Variants in ROBO1 observed in about 807,000 individuals in gnomAD.
ROBO1 encodes the protein roundabout homolog 1.
A neutral mutation model predicts 195.9 loss-of-function variants in ROBO1; 149 were observed. The ratio of observed to expected loss-of-function variants is 0.76; its 90% CI spans 0.67 to 0.87. The LOEUF is 0.87. Ranked by LOEUF, ROBO1 falls within the 40% of genes least tolerant of loss-of-function variation. The probability of loss-of-function intolerance (pLI) is 0.00; values close to 1 mark genes in which losing one functional copy is unlikely to be tolerated. For synonymous variants in ROBO1, 816 were observed against 733.2 expected, an observed-to-expected ratio of 1.11 and a Z score of -1.82; for missense variants, 1,933 against 2,068.3, an observed-to-expected ratio of 0.93 and a Z score of 1.27.
intron 1 of ROBO1, among the ~76,000 whole-genome samples, chr3:79,599,819 A>G (rs1944286662): frequency 6.6e-6 from 1 of 152,042 alleles, no homozygotes; most frequent in South Asian, 2.1e-4. Context: ...TTCCTATATT[A>G]GTAGAATTAT....
chr3:79,042,535 A>C (rs2078508100), intron 3 of ROBO1, among the ~76,000 whole-genome samples: 1 of 149,448 alleles, frequency 6.7e-6, no homozygotes, highest in Non-Finnish European at 1.5e-5. Flanking sequence ...GTAATTTCCA[A>C]AAAAAAGTTA....
At chr3:79,045,284 C>T (rs139038535) in intron 3 of ROBO1, among the ~76,000 whole-genome samples, 106 of 151,848 alleles carry the variant, frequency 7.0e-4, no homozygotes, top group African/African-American at 2.3e-3. Flanking sequence ...GATAAAAATG[C>T]GAATGTATTT....
chr3:79,662,250 C>G (rs751902485), intron 1 of ROBO1, among the ~76,000 whole-genome samples: 3 of 151,992 alleles, frequency 2.0e-5, no homozygotes, highest in Non-Finnish European at 4.4e-5. Flanking sequence ...AATGAACTGG[C>G]GATCTTTCTT....
chr3:79,234,947 T>C (rs879632361), intron 2 of ROBO1, among the ~76,000 whole-genome samples: 7 of 151,988 alleles, frequency 4.6e-5, no homozygotes, highest in Non-Finnish European at 8.8e-5. Flanking sequence ...CGTAGCAAAC[T>C]TGCACACGTA....
At chr3:79,314,329 G>A (rs1337957312) in intron 2 of ROBO1, among the ~76,000 whole-genome samples, 1 of 152,158 alleles carries the variant, frequency 6.6e-6, no homozygotes, top group Non-Finnish European at 1.5e-5. Flanking sequence ...CATGTGTCAT[G>A]GGAGAGACCC....
chr3:79,354,119 T>A (rs964491415), intron 2 of ROBO1, among the ~76,000 whole-genome samples: 13 of 151,994 alleles, frequency 8.6e-5, no homozygotes, highest in African/African-American at 3.1e-4. Flanking sequence ...TGCTGCCACA[T>A]CTAATACTAT....
intron 2 of ROBO1, among the ~76,000 whole-genome samples, chr3:79,397,321 T>C (rs2106756235): frequency 6.6e-6 from 1 of 152,062 alleles, no homozygotes; most frequent in Admixed American, 6.6e-5. Context: ...CTAAATTTGC[T>C]CTTCAGAAGC....
chr3:79,334,752 G>T (rs2034597262), intron 2 of ROBO1, among the ~76,000 whole-genome samples: 1 of 151,004 alleles, frequency 6.6e-6, no homozygotes, highest in Admixed American at 6.6e-5. Context: ...TTTTTTAAAG[G>T]CAAACAGTTT....
At chr3:79,574,461 TTAG>T (rs1943382966) in intron 2 of ROBO1, among the ~76,000 whole-genome samples, 1 of 151,994 alleles carries the variant, frequency 6.6e-6, no homozygotes, top group African/African-American at 2.4e-5. Context: ...TTTTCTTTTT[TTAG>T]TAGTCAATCA....
chr3:78,851,707 C>T (rs1477279298), intron 4 of ROBO1, among the ~76,000 whole-genome samples: 1 of 152,018 alleles, frequency 6.6e-6, no homozygotes, highest in African/African-American at 2.4e-5. Flanking sequence ...TGTCAAGTAA[C>T]ATTTATTGAT....
rs562444972 is a variant in ROBO1, at chr3:79,026,258, G to A, written c.173-87331C>T. 1.9e-4 allele frequency among the ~76,000 whole-genome samples: 29 copies of A among 151,826 alleles called. 1 individual carries two copies. The East Asian group carries it at 1.9e-3, about 10-fold the overall frequency. ...TAATCCTCAGGAAAAAATATTATTC[G>A]GTCAATTATTTTTATTATCTCATTT... On this transcript the variant is annotated intron_variant, in intron 3 of 30. Coordinates refer to ENST00000464233, the MANE Select transcript of ROBO1 (RefSeq NM_002941.4).
intron 1 of ROBO1, among the ~76,000 whole-genome samples, chr3:79,718,548 A>C (rs1311098706): frequency 6.6e-6 from 1 of 152,008 alleles, no homozygotes; most frequent in East Asian, 1.9e-4. Flanking sequence ...ATAGTGTTAT[A>C]ATCATCTGTT....
chr3:79,310,355 ACTGGG>A (rs767134456), intron 2 of ROBO1, among the ~76,000 whole-genome samples: 56 of 152,264 alleles, frequency 3.7e-4, no homozygotes, highest in Non-Finnish European at 6.3e-4. Flanking sequence ...CTCTCCTGGG[ACTGGG>A]GGCCTTTTAT....
chr3:78,762,576 T>C (rs2083132089), intron 4 of ROBO1, among the ~76,000 whole-genome samples: 1 of 152,052 alleles, frequency 6.6e-6, no homozygotes, highest in Middle Eastern at 3.2e-3. Context: ...TTCTTAATCA[T>C]GCATTTCTTA....
intron 2 of ROBO1, among the ~76,000 whole-genome samples, chr3:79,265,201 T>C (rs1221178417): frequency 2.0e-5 from 3 of 151,840 alleles, no homozygotes; most frequent in Non-Finnish European, 4.4e-5. Flanking sequence ...TAACATATAA[T>C]TGTTTCTGTT....
At position 78,912,718 on chromosome 3, in the gene ROBO1, C is replaced by T. The variant is rs541896521; in HGVS notation, c.499+25883G>A. On this transcript the variant is annotated intron_variant, in intron 4 of 30. Transcript: ENST00000464233. ...AAAACTGTGAGTTTATTTTCAAAGC[C>T]GTAGAAAGTTCAGGCTGTATGTCAC... Among the ~76,000 whole-genome samples the T allele has an allele frequency of 4.6e-5, 7 of 152,068 alleles. No individual in the cohort carries two copies. The East Asian group carries it at 5.8e-4, about 13-fold the overall frequency.
At chr3:79,419,209 A>G (rs2038123942) in intron 2 of ROBO1, among the ~76,000 whole-genome samples, 1 of 152,186 alleles carries the variant, frequency 6.6e-6, no homozygotes, top group Admixed American at 6.5e-5. Flanking sequence ...GAAACCAGCC[A>G]CTGTAATAAA....
intron 4 of ROBO1, among the ~76,000 whole-genome samples, chr3:78,860,328 T>A (rs866793439): frequency 0.01 from 324 of 31,256 alleles, no homozygotes; most frequent in East Asian, 0.089. Context: ...ATATATATAT[T>A]TTTTTTTTTT....
At chr3:78,686,054 T>C (rs1203252393) in intron 9 of ROBO1, 137 bp from the exon 10 acceptor site, 9 of 666,210 alleles carry the variant, frequency 1.4e-5, no homozygotes, top group Non-Finnish European at 2.0e-5. Flanking sequence ...TATCCGTCTA[T>C]ATACACACAC....
Sources: gnomAD v4.1 joint callset for allele counts (sites outside exome capture counted in the v4.1 genomes callset) on GRCh38, gnomAD v4.1.1 for gene constraint, MANE v1.5 for transcripts, NCBI Gene and HGNC (gene_info 2026-07-23, HGNC 2026-07-21) for gene names.